PPARD: variants seen among roughly 807,000 people sequenced by gnomAD.
The protein encoded by PPARD is peroxisome proliferator-activated receptor delta.
PPARD carries 6 observed loss-of-function variants against 39.5 expected under a neutral mutation model. The ratio of observed to expected loss-of-function variants is 0.15; its 90% confidence interval spans 0.08 to 0.30. The LOEUF (loss-of-function observed/expected upper bound fraction) is 0.30. PPARD is among the 10% of genes least tolerant of loss of function. PPARD has a pLI of 1.00. For missense variants in PPARD, 397 were observed against 596.8 expected (o/e 0.67, Z 3.49); for synonymous variants, 210 against 231.3 (o/e 0.91, Z 0.83).
rs1761925143 is a variant in PPARD at position 35,361,514 on chromosome 6, A to G, written c.-102+14364A>G. Among the ~76,000 whole-genome samples the G allele has an allele frequency of 2.0e-5, 3 of 152,204 alleles. No homozygotes were observed. The South Asian group carries it at 6.2e-4, about 31-fold the overall frequency. On this transcript the variant is annotated intron_variant, in intron 2 of 7. Coordinates refer to ENST00000360694, the MANE Select transcript of PPARD (RefSeq NM_006238.5). ...TTAAAAAAATAAAATAATAATAAAA[A>G]AAGAAAAATAACTTTAATGTTATTT...
chr6:35,374,657 C>CA (rs372824499), intron 2 of PPARD, among the ~76,000 whole-genome samples: 16,932 of 80,146 alleles, frequency 0.21, 2,626 homozygotes, highest in African/African-American at 0.45. Flanking sequence ...GACTCTGTCT[C>CA]AAAAAAAAAA....
At chr6:35,354,835 G>A (rs1761479667) in intron 2 of PPARD, among the ~76,000 whole-genome samples, 1 of 152,158 alleles carries the variant, frequency 6.6e-6, no homozygotes, top group Non-Finnish European at 1.5e-5. Context: ...CTTATAAGTT[G>A]AGGAACATTT....
intron 1 of PPARD, among the ~76,000 whole-genome samples, chr6:35,344,234 T>A (rs1473032395): frequency 6.6e-6 from 1 of 152,112 alleles, no homozygotes; most frequent in Admixed American, 6.6e-5. Flanking sequence ...TCCCTCTTTT[T>A]CCCTGGGAGC....
rs974890814 is a variant in PPARD at position 35,363,559 on chromosome 6, C to T, written c.-102+16409C>T. ...GGGCTGGTGCCTCAGCCTCCAGACGCTCTCCAGTAGGTCTGAGTAGGTGGT... is the reference window on the plus strand; with the variant it reads ...GGGCTGGTGCCTCAGCCTCCAGACGTTCTCCAGTAGGTCTGAGTAGGTGGT... On this transcript the variant is annotated intron_variant, in intron 2 of 7. Coordinates refer to ENST00000360694, the MANE Select transcript of PPARD (RefSeq NM_006238.5). The surrounding 1 kb of genome is among the most constrained non-coding windows in gnomAD (Gnocchi z 4.5). Among the ~76,000 whole-genome samples the T allele has an allele frequency of 2.4e-4, 36 of 152,266 alleles. No individual in the cohort carries two copies. The highest frequency in any genetic ancestry group is 7.7e-4 in the African/African-American group (32 of 41,550).
At chr6:35,357,913 T>C (rs1253777055) in intron 2 of PPARD, among the ~76,000 whole-genome samples, 1 of 152,172 alleles carries the variant, frequency 6.6e-6, no homozygotes, top group Non-Finnish European at 1.5e-5. Context: ...GCTCCTAATC[T>C]GACACTTCTT....
intron 2 of PPARD, among the ~76,000 whole-genome samples, chr6:35,365,130 CTTTTTT>C (rs551946022): frequency 1.6e-4 from 19 of 121,076 alleles, no homozygotes; most frequent in African/African-American, 5.5e-4. Context: ...CTTCCTTATT[CTTTTTT>C]TTTTTTTTTT....
intron 5 of PPARD, 77 bp downstream of exon 5, chr6:35,422,035 C>A: frequency 6.7e-7 from 1 of 1,488,886 alleles, no homozygotes; most frequent in Non-Finnish European, 8.9e-7. Context: ...GCCCTTGGGG[C>A]AGCCTAGAGG....
At chr6:35,408,487 G>A (rs1448441337) in intron 2 of PPARD, among the ~76,000 whole-genome samples, 1 of 152,156 alleles carries the variant, frequency 6.6e-6, no homozygotes, top group African/African-American at 2.4e-5. Flanking sequence ...CTGTGCTCTG[G>A]GTCTGGTGCT....
At chr6:35,380,228 G>A (rs1005330624) in intron 2 of PPARD, among the ~76,000 whole-genome samples, 1 of 152,168 alleles carries the variant, frequency 6.6e-6, no homozygotes, top group Non-Finnish European at 1.5e-5. Context: ...GCTCCATTAG[G>A]TCATGAGCAA....
chr6:35,389,269 G>A (rs960915816), intron 2 of PPARD, among the ~76,000 whole-genome samples: 4 of 152,150 alleles, frequency 2.6e-5, no homozygotes, highest in African/African-American at 9.7e-5. Context: ...AATGTTTACT[G>A]TCTTGACCTG....
chr6:35,367,975 C>G (rs548594351), intron 2 of PPARD, among the ~76,000 whole-genome samples: 3 of 152,170 alleles, frequency 2.0e-5, no homozygotes, highest in Non-Finnish European at 4.4e-5. Flanking sequence ...CACAGACAGC[C>G]GGTAGTGGAT....
chr6:35,405,573 A>T (rs1020805647), intron 2 of PPARD, among the ~76,000 whole-genome samples: 2 of 151,994 alleles, frequency 1.3e-5, no homozygotes, highest in Admixed American at 1.3e-4. Context: ...ACCAAAAAAA[A>T]AAAAAGCCAG....
At chr6:35,369,441 C>T (rs1213665632) in intron 2 of PPARD, among the ~76,000 whole-genome samples, 3 of 152,212 alleles carry the variant, frequency 2.0e-5, no homozygotes, top group Admixed American at 6.5e-5. Context: ...AATCCATTAG[C>T]GTGCATTCCC....
At chr6:35,372,197 A>G (rs865969736) in intron 2 of PPARD, among the ~76,000 whole-genome samples, 1 of 152,040 alleles carries the variant, frequency 6.6e-6, no homozygotes, top group Non-Finnish European at 1.5e-5. Context: ...TTATTTTTTG[A>G]GACGGAGTCT....
intron 1 of PPARD, among the ~76,000 whole-genome samples, chr6:35,342,998 C>CCCACTTGTGAGAACAAGTG (rs1429681769): frequency 6.6e-6 from 1 of 151,830 alleles, no homozygotes; most frequent in African/African-American, 2.4e-5. Context: ...CTGGTGGCTT[C>CCCACTTGTGAGAACAAGTG]GTCTTCTCCC....
At chr6:35,358,121 G>A (rs1688188827) in intron 2 of PPARD, among the ~76,000 whole-genome samples, 1 of 152,162 alleles carries the variant, frequency 6.6e-6, no homozygotes, top group Non-Finnish European at 1.5e-5. Context: ...AGATTATCTG[G>A]GTGGACCCCT....
chr6:35,367,048 G>C (rs1187495651), intron 2 of PPARD, among the ~76,000 whole-genome samples: 1 of 152,214 alleles, frequency 6.6e-6, no homozygotes, highest in Non-Finnish European at 1.5e-5. Flanking sequence ...GAAGTGGAAA[G>C]GTGGGGGTGA....
chr6:35,424,011 G>C lies in PPARD; in HGVS notation c.490G>C (p.Glu164Gln). The change falls in exon 6 of 8, where the codon GAG becomes CAG. Residue 164 changes from glutamate to glutamine, a missense_variant. Glu to Gln is a conservative substitution (Grantham distance 29, BLOSUM62 2). Transcript: ENST00000360694. The surrounding 1 kb of genome is among the most constrained non-coding windows in gnomAD (Gnocchi z 7.1). Reference protein sequence around the residue: ...RKLVAGLTANEGSQYNPQVAD... With the variant: ...RKLVAGLTANQGSQYNPQVAD... Reference sequence around the variant, plus strand: ...GCTGGTGGCAGGGCTGACTGCAAACGAGGGGAGCCAGTACAACCCACAGGT... The same window carrying C: ...GCTGGTGGCAGGGCTGACTGCAAACCAGGGGAGCCAGTACAACCCACAGGT... 1 of 1,614,204 alleles carries C rather than the reference G, an allele frequency of 6.2e-7. No individual in the cohort carries two copies. The highest frequency in any genetic ancestry group is 1.3e-5 in the African/African-American group (1 of 75,060).
chr6:35,366,264 A>G lies in PPARD; in HGVS notation c.-102+19114A>G, dbSNP rs902034070. Among the ~76,000 whole-genome samples, 6 of 151,748 alleles carry G rather than the reference A, an allele frequency of 4.0e-5. No homozygotes were observed. The highest frequency in any genetic ancestry group is 1.5e-4 in the African/African-American group (6 of 40,990). The stretch of plus-strand genomic sequence containing the variant: ...CCAGCCATTTTAGAAGGCTGACTCT[A>G]ATAGCAAGTTGCAGTAAGGATAGGA... On this transcript the variant is annotated intron_variant, in intron 2 of 7. Transcript: ENST00000360694. The surrounding 1 kb of genome is among the most constrained non-coding windows in gnomAD (Gnocchi z 4.6).
Sources: gnomAD v4.1 joint callset for allele counts (sites outside exome capture counted in the v4.1 genomes callset) on GRCh38, gnomAD v4.1.1 for gene constraint, Gnocchi (gnomAD v3.1) non-coding constraint, MANE v1.5 for transcripts, NCBI Gene and HGNC (gene_info 2026-07-23, HGNC 2026-07-21) for gene names.